Variants in QTGAL observed in about 807,000 individuals in gnomAD.
QTGAL encodes queuosine-tRNA galactosyltransferase.
the QTGAL span, chr17:83,048,571 C>G: frequency 6.2e-7 from 1 of 1,613,380 alleles, no homozygotes; most frequent in Non-Finnish European, 8.5e-7. Context: ...CAGACTTGTC[C>G]TGAAAGCAGA....
chr17:82,973,443 G>T, the QTGAL span, among the ~76,000 whole-genome samples: 1 of 152,188 alleles, frequency 6.6e-6, no homozygotes, highest in Non-Finnish European at 1.5e-5. Flanking sequence ...AGACCAGGCC[G>T]GTTTTCACGG....
the QTGAL span, among the ~76,000 whole-genome samples, chr17:83,027,079 A>T: frequency 6.8e-6 from 1 of 148,044 alleles, no homozygotes; most frequent in African/African-American, 2.5e-5. Flanking sequence ...CTGCAGGCAA[A>T]CCCACCCTCG....
At chr17:82,950,127 T>C in the QTGAL span, among the ~76,000 whole-genome samples, 1 of 152,208 alleles carries the variant, frequency 6.6e-6, no homozygotes, top group Admixed American at 6.5e-5. Context: ...GCATGTGCTG[T>C]GAGGCCACAC....
At chr17:82,954,961 C>T in the QTGAL span, among the ~76,000 whole-genome samples, 2 of 152,224 alleles carry the variant, frequency 1.3e-5, no homozygotes, top group Non-Finnish European at 2.9e-5. Context: ...CCCTTCCTTA[C>T]AGCTTATGAA....
At chr17:83,028,011 G>A in the QTGAL span, among the ~76,000 whole-genome samples, 2 of 152,180 alleles carry the variant, frequency 1.3e-5, no homozygotes, top group South Asian at 2.1e-4. Context: ...CTACTCAGGA[G>A]GCTGAGGCAG....
chr17:83,014,513 C>T, the QTGAL span: 19 of 1,613,946 alleles, frequency 1.2e-5, no homozygotes, highest in African/African-American at 9.3e-5. Flanking sequence ...GGCATCATGA[C>T]GTCATCCTGC....
the QTGAL span, among the ~76,000 whole-genome samples, chr17:83,041,530 G>A: frequency 0.65 from 99,435 of 152,110 alleles, 32,883 homozygotes; most frequent in East Asian, 0.76. Flanking sequence ...GAGACCCTCA[G>A]TAAGATTAAC....
At chr17:83,027,699 CAAA>C in the QTGAL span, among the ~76,000 whole-genome samples, 13 of 31,504 alleles carry the variant, frequency 4.1e-4, no homozygotes, top group South Asian at 2.2e-3. Context: ...GAGACGCTCT[CAAA>C]AAAAAAAAAA....
At chr17:82,980,102 A>G in the QTGAL span, among the ~76,000 whole-genome samples, 1 of 152,252 alleles carries the variant, frequency 6.6e-6, no homozygotes, top group Non-Finnish European at 1.5e-5. Flanking sequence ...TGTAAAATGT[A>G]AAACTATAAA....
chr17:83,018,112 G>A, the QTGAL span, among the ~76,000 whole-genome samples: 20,292 of 64,202 alleles, frequency 0.32, 1,906 homozygotes, highest in South Asian at 0.38. Flanking sequence ...GGTACCACAC[G>A]TGCTCCACAA....
chr17:83,027,982 T>A, the QTGAL span, among the ~76,000 whole-genome samples: 2 of 151,922 alleles, frequency 1.3e-5, no homozygotes, highest in Non-Finnish European at 1.5e-5. Flanking sequence ...GGTGTGGTGG[T>A]ATGCACCTGT....
the QTGAL span, among the ~76,000 whole-genome samples, chr17:83,008,861 C>T: frequency 6.6e-6 from 1 of 151,974 alleles, no homozygotes; most frequent in Non-Finnish European, 1.5e-5. Context: ...CGGATCCCTG[C>T]CGCCGAACGA....
the QTGAL span, among the ~76,000 whole-genome samples, chr17:83,009,292 C>T: frequency 6.6e-6 from 1 of 152,026 alleles, no homozygotes; most frequent in Admixed American, 6.5e-5. Flanking sequence ...GGCGTGGTGG[C>T]GCACACCTGT....
the QTGAL span, among the ~76,000 whole-genome samples, chr17:83,034,509 T>G: frequency 6.6e-6 from 1 of 152,098 alleles, no homozygotes; most frequent in East Asian, 1.9e-4. Flanking sequence ...AAATCTCATC[T>G]TGAATTAATA....
the QTGAL span, among the ~76,000 whole-genome samples, chr17:82,976,577 A>G: frequency 2.3e-4 from 11 of 48,114 alleles, no homozygotes; most frequent in Admixed American, 3.4e-4. Context: ...TATGGGGAAC[A>G]AGGGCCCCGG....
the QTGAL span, among the ~76,000 whole-genome samples, chr17:82,964,287 T>C: frequency 1.7e-5 from 2 of 118,186 alleles, no homozygotes; most frequent in Middle Eastern, 4.6e-3. Context: ...GAACAAAATA[T>C]ATGAAAAATG....
At chr17:82,963,777 T>C in the QTGAL span, among the ~76,000 whole-genome samples, 1 of 152,114 alleles carries the variant, frequency 6.6e-6, no homozygotes, top group African/African-American at 2.4e-5. Flanking sequence ...GAAGTGTTTT[T>C]TGGGGGATGA....
chr17:83,013,754 G>A, the QTGAL span, among the ~76,000 whole-genome samples: 2,263 of 152,204 alleles, frequency 0.015, 51 homozygotes, highest in African/African-American at 0.05. Context: ...CAAACTGCCC[G>A]GGGGACGGAC....
chr17:82,987,966 C>G, the QTGAL span, among the ~76,000 whole-genome samples: 1 of 152,134 alleles, frequency 6.6e-6, no homozygotes, highest in Non-Finnish European at 1.5e-5. Flanking sequence ...GTTTGTAGTT[C>G]TCCTTGAAGA....
Sources: gnomAD v4.1 joint callset for allele counts (sites outside exome capture counted in the v4.1 genomes callset) on GRCh38, gnomAD v4.1.1 for gene constraint, MANE v1.5 for transcripts, NCBI Gene and HGNC (gene_info 2026-07-23, HGNC 2026-07-21) for gene names.